KCNMA1: variants seen among roughly 807,000 people sequenced by gnomAD.
KCNMA1 encodes the protein potassium calcium-activated channel subfamily M alpha 1.
Under a neutral mutation model 140.0 loss-of-function variants are expected in KCNMA1, and 29 were observed. The ratio of observed to expected loss-of-function variants is 0.21; its 90% CI spans 0.15 to 0.28. The LOEUF (loss-of-function observed/expected upper bound fraction) is 0.28. KCNMA1 is among the 10% of genes least tolerant of loss of function. KCNMA1 has a pLI of 1.00. For missense variants in KCNMA1, 880 were observed against 1,602.2 expected (o/e 0.55, Z 7.70); for synonymous variants, 612 against 611.9 (o/e 1.00, Z 0.00).
chr10:77,376,779 A>T (rs1210332265), intron 2 of KCNMA1, among the ~76,000 whole-genome samples: 1 of 151,986 alleles, frequency 6.6e-6, no homozygotes, highest in Non-Finnish European at 1.5e-5. Flanking sequence ...CTCTACTAAA[A>T]ATACAAAAAT....
intron 16 of KCNMA1, chr10:77,020,645 AC>A (rs2092729960): frequency 6.6e-6 from 1 of 152,282 alleles, no homozygotes; most frequent in African/African-American, 2.4e-5. Context: ...CATGGGTATA[AC>A]AAGCCCTCTG....
chr10:77,107,265 A>C (rs1174508604), intron 9 of KCNMA1, among the ~76,000 whole-genome samples: 1 of 152,248 alleles, frequency 6.6e-6, no homozygotes, highest in Non-Finnish European at 1.5e-5. Context: ...AAAACAAAAC[A>C]AAACAGTTCC....
intron 1 of KCNMA1, among the ~76,000 whole-genome samples, chr10:77,618,026 C>T (rs910979353): frequency 1.3e-5 from 2 of 152,132 alleles, no homozygotes; most frequent in Non-Finnish European, 2.9e-5. Context: ...TGTGGGTAGA[C>T]GTGATGTGAA....
chr10:77,499,615 A>G (rs1000835271), intron 1 of KCNMA1, among the ~76,000 whole-genome samples: 1 of 152,182 alleles, frequency 6.6e-6, no homozygotes, highest in Non-Finnish European at 1.5e-5. Context: ...CCAAGTTGTC[A>G]TTCATATTAA....
chr10:77,051,424 A>C (rs1449980118), intron 14 of KCNMA1, among the ~76,000 whole-genome samples: 1 of 152,226 alleles, frequency 6.6e-6, no homozygotes, highest in Non-Finnish European at 1.5e-5. Context: ...CTGGTAGCAA[A>C]GGCAGAAGCG....
intron 3 of KCNMA1, among the ~76,000 whole-genome samples, chr10:77,193,020 C>T (rs909479503): frequency 1.3e-5 from 2 of 151,652 alleles, no homozygotes; most frequent in African/African-American, 4.8e-5. Flanking sequence ...TGAGTGGCCA[C>T]AGGAGTTTGT....
intron 3 of KCNMA1, among the ~76,000 whole-genome samples, chr10:77,209,576 T>C (rs1391346541): frequency 1.3e-5 from 2 of 152,166 alleles, no homozygotes; most frequent in African/African-American, 4.8e-5. Flanking sequence ...CACATTAAAA[T>C]ATATTGTACT....
At chr10:77,269,588 T>C (rs1325852809) in intron 2 of KCNMA1, among the ~76,000 whole-genome samples, 1 of 152,198 alleles carries the variant, frequency 6.6e-6, no homozygotes, top group Non-Finnish European at 1.5e-5. Flanking sequence ...ATTTTTCTGA[T>C]GTATTAGAAA....
intron 1 of KCNMA1, among the ~76,000 whole-genome samples, chr10:77,598,606 T>A (rs1484104085): frequency 6.6e-6 from 1 of 152,188 alleles, no homozygotes; most frequent in African/African-American, 2.4e-5. Flanking sequence ...TTATAACTTT[T>A]GAACACACAT....
At chr10:77,584,988 C>T (rs1220426877) in intron 1 of KCNMA1, among the ~76,000 whole-genome samples, 1 of 152,238 alleles carries the variant, frequency 6.6e-6, no homozygotes, top group Non-Finnish European at 1.5e-5. Flanking sequence ...TAGCCCTTTG[C>T]TCACGTTCTT....
At chr10:77,605,746 G>A (rs958873256) in intron 1 of KCNMA1, among the ~76,000 whole-genome samples, 29 of 152,236 alleles carry the variant, frequency 1.9e-4, no homozygotes, top group African/African-American at 6.5e-4. Flanking sequence ...GGCCCTGCAG[G>A]CCCTCAGGCT....
At chr10:77,335,122 C>G (rs2088361756) in intron 2 of KCNMA1, among the ~76,000 whole-genome samples, 1 of 152,160 alleles carries the variant, frequency 6.6e-6, no homozygotes, top group South Asian at 2.1e-4. Flanking sequence ...CTCTCCCCTT[C>G]CCTCCTTTTC....
chr10:77,548,459 C>T (rs2061967234), intron 1 of KCNMA1, among the ~76,000 whole-genome samples: 1 of 152,222 alleles, frequency 6.6e-6, no homozygotes, highest in Admixed American at 6.6e-5. Context: ...GTAGCAGATG[C>T]CACTAGTCTA....
chr10:77,042,415 TA>T (rs2094780123), intron 14 of KCNMA1, among the ~76,000 whole-genome samples: 1 of 152,194 alleles, frequency 6.6e-6, no homozygotes, highest in Non-Finnish European at 1.5e-5. Flanking sequence ...TGGGAAACAG[TA>T]TTAACATAAT....
At chr10:76,949,044 C>T (rs1347236371) in intron 22 of KCNMA1, 98 bp downstream of exon 22, 4 of 1,012,144 alleles carry the variant, frequency 4.0e-6, no homozygotes, top group Non-Finnish European at 6.3e-6. Flanking sequence ...GATGAAGAAG[C>T]ACAGGCATGA....
intron 20 of KCNMA1, 96 bp from the exon 21 acceptor site, chr10:76,954,020 G>T: frequency 1.5e-6 from 2 of 1,368,038 alleles, no homozygotes; most frequent in Non-Finnish European, 2.0e-6. Context: ...TGTGAAAGAT[G>T]CAGAGGAAGT....
chr10:76,944,965 C>A lies in KCNMA1; in HGVS notation c.2710G>T (p.Gly904Cys). ...HNFPKVSILP[G>C]TPLSRADLRA... ...AAATCAGCCCGACTTAATGGCGTAC[C>A]CTTTGGCATAGAGGAAAGAAAAAAA... Residue 904 changes from glycine to cysteine, a missense_variant and splice_region_variant, in exon 23 of 28, where the codon GGT becomes TGT. By Grantham distance (159) the Gly-to-Cys change is radical (BLOSUM62 -3). Transcript: ENST00000286628. The A allele has an allele frequency of 6.2e-7, 1 of 1,613,066 alleles. No individual in the cohort carries two copies. The highest frequency in any genetic ancestry group is 8.5e-7 in the Non-Finnish European group (1 of 1,179,756).
intron 19 of KCNMA1, among the ~76,000 whole-genome samples, chr10:76,981,548 G>A (rs6480848): frequency 0.81 from 122,483 of 151,898 alleles, 49,663 homozygotes; most frequent in East Asian, 0.99. Flanking sequence ...TGATCGGCGT[G>A]TGCAGACACA....
chr10:77,218,137 T>C (rs950677367), intron 3 of KCNMA1, among the ~76,000 whole-genome samples: 17 of 152,186 alleles, frequency 1.1e-4, no homozygotes, highest in Admixed American at 3.3e-4. Flanking sequence ...CCCTGAACCC[T>C]TCTCTCTTGA....
Sources: allele counts gnomAD v4.1 joint callset (sites outside exome capture counted in the v4.1 genomes callset), GRCh38; gene constraint gnomAD v4.1.1; transcripts MANE v1.5; gene names NCBI Gene and HGNC (gene_info 2026-07-23, HGNC 2026-07-21).